CDH18: variants seen among roughly 807,000 people sequenced by gnomAD.
CDH18 encodes the protein cadherin-18.
A neutral mutation model predicts 67.9 loss-of-function variants in CDH18; 31 were observed. That is an observed-to-expected ratio of 0.46 (90% CI 0.34 to 0.62). The LOEUF (loss-of-function observed/expected upper bound fraction) is 0.62. CDH18 is among the 20% of genes least tolerant of loss of function. The pLI, the probability that CDH18 is intolerant of heterozygous loss-of-function variation, is 0.01. For missense variants in CDH18, 890 were observed against 975.5 expected, an observed-to-expected ratio of 0.91 and a Z score of 1.17; for synonymous variants, 362 against 347.2, an observed-to-expected ratio of 1.04 and a Z score of -0.48.
intron 4 of CDH18, among the ~76,000 whole-genome samples, chr5:19,734,133 T>A (rs1443686116): frequency 6.6e-6 from 1 of 152,202 alleles, no homozygotes; most frequent in African/African-American, 2.4e-5. Flanking sequence ...TTCATTTTAA[T>A]CCTTGTCTTT....
At chr5:19,821,021 C>A in intron 3 of CDH18, among the ~76,000 whole-genome samples, 1 of 152,212 alleles carries the variant, frequency 6.6e-6, no homozygotes, top group African/African-American at 2.4e-5. Context: ...GACATTGGCA[C>A]AAAAACTCCA....
intron 2 of CDH18, among the ~76,000 whole-genome samples, chr5:20,024,116 A>C (rs572900765): frequency 2.8e-4 from 43 of 152,240 alleles, no homozygotes; most frequent in Middle Eastern, 6.8e-3. Context: ...AGCTAATCTC[A>C]TCATAAAACT....
At chr5:19,917,642 G>T (rs1163504691) in intron 2 of CDH18, among the ~76,000 whole-genome samples, 1 of 152,090 alleles carries the variant, frequency 6.6e-6, no homozygotes, top group Non-Finnish European at 1.5e-5. Flanking sequence ...TCGCTCATGG[G>T]TCAACCAGAG....
At chr5:19,796,217 A>G (rs1399619721) in intron 3 of CDH18, among the ~76,000 whole-genome samples, 1 of 152,122 alleles carries the variant, frequency 6.6e-6, no homozygotes, top group African/African-American at 2.4e-5. Flanking sequence ...TACAGATCCA[A>G]GAAGCTGAGA....
chr5:20,504,250 T>C (rs1305568197), intron 1 of CDH18, among the ~76,000 whole-genome samples: 1 of 152,170 alleles, frequency 6.6e-6, no homozygotes, highest in East Asian at 1.9e-4. Context: ...CTTTACTTAG[T>C]TTCTAAAAGG....
In CDH18 at chr5:20,498,909, A is replaced by C. The variant is rs985625629; in HGVS notation, c.-580+76553T>G. Reference sequence around the variant, plus strand: ...GCTTAAAATGGTTGTAACTTAACAGAATGAGTGAATATTTTTAAATATCTG... The same window carrying C: ...GCTTAAAATGGTTGTAACTTAACAGCATGAGTGAATATTTTTAAATATCTG... On this transcript the variant is annotated intron_variant, in intron 1 of 14. Transcript: ENST00000507958. Among the ~76,000 whole-genome samples the C allele has an allele frequency of 4.6e-5, 7 of 152,212 alleles. No individual in the cohort carries two copies. In the East Asian group the frequency reaches 1.3e-3, roughly 29 times the overall value.
chr5:19,987,857 C>T (rs1353470185), intron 1 of CDH18, among the ~76,000 whole-genome samples: 1 of 152,088 alleles, frequency 6.6e-6, no homozygotes, highest in African/African-American at 2.4e-5. Flanking sequence ...GACTCGCATT[C>T]GATAGGCTCT....
chr5:20,245,023 G>T (rs781637933), intron 2 of CDH18, among the ~76,000 whole-genome samples: 1 of 152,082 alleles, frequency 6.6e-6, no homozygotes, highest in African/African-American at 2.4e-5. Context: ...CCCTCTTGCT[G>T]ATTTACTGGC....
At chr5:19,624,051 C>T (rs1751126676) in intron 5 of CDH18, among the ~76,000 whole-genome samples, 1 of 149,560 alleles carries the variant, frequency 6.7e-6, no homozygotes, top group South Asian at 2.1e-4. Flanking sequence ...CTTGTTCCCC[C>T]AGCTAGAGTG....
chr5:20,543,636 A>G (rs1330815366), intron 1 of CDH18, among the ~76,000 whole-genome samples: 1 of 152,104 alleles, frequency 6.6e-6, no homozygotes, highest in African/African-American at 2.4e-5. Flanking sequence ...TTTTACCCTC[A>G]CCACAATTCC....
At chr5:20,215,235 A>C (rs1160108555) in intron 2 of CDH18, among the ~76,000 whole-genome samples, 1 of 151,764 alleles carries the variant, frequency 6.6e-6, no homozygotes, top group East Asian at 1.9e-4. Context: ...TTACTCAAAC[A>C]ATTTGAGCAA....
chr5:20,043,907 GC>G (rs1740671605), intron 2 of CDH18, among the ~76,000 whole-genome samples: 1 of 152,090 alleles, frequency 6.6e-6, no homozygotes, highest in South Asian at 2.1e-4. Flanking sequence ...ATAATTGCAA[GC>G]AGAAAGTCAG....
chr5:20,531,370 C>A (rs1194448008), intron 1 of CDH18, among the ~76,000 whole-genome samples: 1 of 151,978 alleles, frequency 6.6e-6, no homozygotes, highest in Non-Finnish European at 1.5e-5. Context: ...AGCATTTGAC[C>A]CAGAATCTCA....
intron 2 of CDH18, among the ~76,000 whole-genome samples, chr5:20,018,586 T>C (rs2150427864): frequency 6.6e-6 from 1 of 152,258 alleles, no homozygotes; most frequent in Non-Finnish European, 1.5e-5. Flanking sequence ...TGATAAAAAA[T>C]ATGAGATATC....
chr5:19,905,310 T>G (rs1790413802), intron 2 of CDH18, among the ~76,000 whole-genome samples: 1 of 152,070 alleles, frequency 6.6e-6, no homozygotes, highest in Admixed American at 6.6e-5. Context: ...TCATGCAGGT[T>G]TTATGGAGAA....
rs537179320 is a variant in CDH18 at position 20,397,929 on chromosome 5, G to T, written c.-579-142424C>A. Among the ~76,000 whole-genome samples the T allele has an allele frequency of 2.0e-5, 3 of 152,206 alleles. No individual in the cohort carries two copies. The East Asian group carries it at 5.8e-4, about 29-fold the overall frequency. On this transcript the variant is annotated intron_variant, in intron 1 of 14. Transcript: ENST00000507958. The stretch of plus-strand genomic sequence containing the variant: ...AAAAAAATTACAGTTGTGTTTAACA[G>T]AAAATTACATTACTTTAAAGCTCAT...
chr5:20,221,943 T>G (rs1741260217), intron 2 of CDH18, among the ~76,000 whole-genome samples: 1 of 152,172 alleles, frequency 6.6e-6, no homozygotes, highest in Admixed American at 6.6e-5. Flanking sequence ...TATCTTGTTG[T>G]ACTTATATGC....
Position 20,563,987 on chromosome 5 carries a change from T to C in CDH18, c.-580+11475A>G, listed in dbSNP as rs116609639. Among the ~76,000 whole-genome samples the C allele has an allele frequency of 2.2e-3, 334 of 152,256 alleles. 2 individuals are homozygous for C. The highest frequency in any genetic ancestry group is 7.8e-3 in the African/African-American group (323 of 41,568). On this transcript the variant is annotated intron_variant, in intron 1 of 14. Coordinates refer to the CDH18 transcript ENST00000507958. ...CATGGTAAGTTTAATCTATGACTAT[T>C]AATAAGTACCCTACTTCTATCTTTT...
At chr5:20,279,846 A>G (rs1315168654) in intron 1 of CDH18, among the ~76,000 whole-genome samples, 1 of 152,000 alleles carries the variant, frequency 6.6e-6, no homozygotes. Context: ...ACATAGATTT[A>G]GTCTGCACTA....
Sources: allele counts gnomAD v4.1 joint callset (sites outside exome capture counted in the v4.1 genomes callset), GRCh38; gene constraint gnomAD v4.1.1; transcripts MANE v1.5; gene names NCBI Gene and HGNC (gene_info 2026-07-23, HGNC 2026-07-21).